Variants in KDM2B observed in about 807,000 individuals in gnomAD.
KDM2B encodes lysine-specific demethylase 2B.
In KDM2B, 26 loss-of-function variants were observed where a neutral mutation model predicts 150.0. That is an observed-to-expected ratio of 0.17 (90% CI 0.13 to 0.24). The LOEUF is 0.24. Among genes scored for constraint, KDM2B ranks in the 10% least tolerant of loss-of-function variants. The pLI, the probability that KDM2B is intolerant of heterozygous loss-of-function variation, is 1.00. For missense variants in KDM2B, 1,265 were observed against 1,816.9 expected (o/e 0.70, Z 5.52); for synonymous variants, 734 against 729.5 (o/e 1.01, Z -0.10).
intron 1 of KDM2B, chr12:121,579,769 C>T (rs1271398342): frequency 7.3e-7 from 1 of 1,377,254 alleles, no homozygotes; most frequent in Non-Finnish European, 9.8e-7. Context: ...CCGCTCAGCC[C>T]CCCTCCACGC....
chr12:121,440,304 C>G, intron 21 of KDM2B: 1 of 563,046 alleles, frequency 1.8e-6, no homozygotes, highest in Non-Finnish European at 3.2e-6. Flanking sequence ...AAACACTATG[C>G]CCACATTCCA....
At chr12:121,484,569 G>C (rs12814684) in intron 12 of KDM2B, among the ~76,000 whole-genome samples, 2,158 of 152,258 alleles carry the variant, frequency 0.014, 25 homozygotes, top group Middle Eastern at 0.027. Context: ...TGTAGTCCTA[G>C]CACTTTGGGA....
rs370449936 is a variant in KDM2B, at chr12:121,528,281, G to A, written c.931+4525C>T. 5.9e-5 allele frequency among the ~76,000 whole-genome samples: 9 copies of A among 152,282 alleles called. No homozygotes were observed. The East Asian group carries it at 7.7e-4, about 13-fold the overall frequency. On this transcript the variant is annotated intron_variant, in intron 8 of 22. Coordinates refer to ENST00000377071, the MANE Select transcript of KDM2B (RefSeq NM_032590.5). ...CCATTTAAAATCTTCCTTGGCAGCC[G>A]GGCGCTATGGCTTATGCCTGTAATC...
intron 21 of KDM2B, 83 bp from the exon 22 acceptor site, chr12:121,440,158 A>T: frequency 1.1e-6 from 1 of 942,566 alleles, no homozygotes; most frequent in East Asian, 2.6e-5. Flanking sequence ...TAAAAGGCCC[A>T]CCAGCCAGAC....
chr12:121,457,043 G>C (rs1555292931), intron 12 of KDM2B, among the ~76,000 whole-genome samples: 1 of 152,148 alleles, frequency 6.6e-6, no homozygotes, highest in African/African-American at 2.4e-5. Flanking sequence ...AGGTAAGACA[G>C]ACCTCGGAGG....
chr12:121,579,943 C>CAAAA (rs61355823), intron 1 of KDM2B: 55 of 1,107,520 alleles, frequency 5.0e-5, no homozygotes, highest in Middle Eastern at 2.9e-4. Context: ...GAGAAACAAC[C>CAAAA]AAAAAAAAAA....
chr12:121,431,135 T>G (rs576146953), intron 22 of KDM2B, among the ~76,000 whole-genome samples: 2 of 129,248 alleles, frequency 1.5e-5, no homozygotes, highest in East Asian at 4.9e-4. Context: ...ACACCCTTTG[T>G]GCTTTTTTTT....
At chr12:121,578,694 T>C (rs1594171646) in intron 2 of KDM2B, 108 bp downstream of exon 2, 4 of 333,516 alleles carry the variant, frequency 1.2e-5, no homozygotes, top group South Asian at 1.9e-4. Flanking sequence ...CCGGATCCCC[T>C]GGAATGGGGG....
chr12:121,466,849 G>A (rs1555294902), intron 12 of KDM2B, among the ~76,000 whole-genome samples: 1 of 145,772 alleles, frequency 6.9e-6, no homozygotes, highest in Non-Finnish European at 1.5e-5. Context: ...AACTTGCCCC[G>A]GGCCGTGGCC....
In KDM2B at chr12:121,429,738, T is replaced by C. The variant is rs1555284936; in HGVS notation, c.*550A>G. The C allele has an allele frequency of 4.4e-6, 2 of 455,862 alleles. No individual in the cohort carries two copies. Among genetic ancestry groups the C allele is most frequent in the Non-Finnish European group, 7.7e-6 (2 of 259,338 alleles). The allele number at this position is 455,862 out of a possible 1,614,324, so 28.2% of individuals were successfully genotyped here. A position where few individuals can be genotyped will look rare whatever the true frequency, so the allele number is the denominator to read the frequency against. ...CCTACCTTAAGGAAATCAGGAAAAT[T>C]GGCAATCTCAAAACAATAAAAACAC... On this transcript the variant is annotated 3_prime_UTR_variant, in exon 23 of 23. Coordinates refer to ENST00000377071, the MANE Select transcript of KDM2B (RefSeq NM_032590.5).
chr12:121,534,210 G>A (rs145953723), intron 7 of KDM2B, among the ~76,000 whole-genome samples: 2,136 of 152,114 alleles, frequency 0.014, 40 homozygotes, highest in African/African-American at 0.048. Context: ...TTAGCAGGGC[G>A]TGGTAGCAGG....
chr12:121,556,181 T>A (rs1268431319), intron 4 of KDM2B, among the ~76,000 whole-genome samples: 2 of 152,100 alleles, frequency 1.3e-5, no homozygotes, highest in Non-Finnish European at 2.9e-5. Flanking sequence ...CTCCTCAGCC[T>A]CCCAAAATGC....
At chr12:121,506,188 G>T (rs1555302917) in intron 11 of KDM2B, among the ~76,000 whole-genome samples, 8 of 151,926 alleles carry the variant, frequency 5.3e-5, no homozygotes, top group Non-Finnish European at 1.2e-4. Context: ...TTTTGTTTTT[G>T]TACAGATAGG....
Position 121,467,535 on chromosome 12 carries a change from G to T in KDM2B, c.1735-14191C>A. 5.8e-6 allele frequency: 1 copy of T among 173,004 alleles called. No homozygotes were observed. Among genetic ancestry groups the T allele is most frequent in the Non-Finnish European group, 1.1e-5 (1 of 89,738 alleles). The allele number at this position is 173,004 out of a possible 1,614,324, so 10.7% of individuals were successfully genotyped here. The stretch of plus-strand genomic sequence containing the variant: ...GGGAGCCCGGCCTGCGGTGACACGG[G>T]GGCGGGCCGCCGAGGGCGGTCCCTC... On this transcript the variant is annotated intron_variant, in intron 12 of 22. Coordinates refer to ENST00000377071, the MANE Select transcript of KDM2B (RefSeq NM_032590.5). The surrounding 1 kb of genome is among the most constrained non-coding windows in gnomAD (Gnocchi z 5.1).
intron 4 of KDM2B, among the ~76,000 whole-genome samples, chr12:121,564,003 T>C (rs527553959): frequency 4.6e-5 from 7 of 152,236 alleles, no homozygotes; most frequent in Admixed American, 2.6e-4. Flanking sequence ...TAGTCCCAGC[T>C]ACTTGGGAGG....
chr12:121,455,339 G>C (rs1239437420), intron 12 of KDM2B, among the ~76,000 whole-genome samples: 1 of 152,216 alleles, frequency 6.6e-6, no homozygotes, highest in Non-Finnish European at 1.5e-5. Context: ...CTTGTCACAG[G>C]GAGGGCAAGC....
chr12:121,562,494 T>G (rs1457312053), intron 4 of KDM2B, among the ~76,000 whole-genome samples: 2 of 151,890 alleles, frequency 1.3e-5, no homozygotes, highest in Admixed American at 6.6e-5. Context: ...AAAAAAAAAG[T>G]CTGGGGACAA....
chr12:121,488,549 C>G (rs1331753620), intron 12 of KDM2B, among the ~76,000 whole-genome samples: 1 of 152,208 alleles, frequency 6.6e-6, no homozygotes, highest in Non-Finnish European at 1.5e-5. Flanking sequence ...ACAGGTGCAT[C>G]TGACCCCAAA....
chr12:121,557,214 C>T (rs1889963782), intron 4 of KDM2B, among the ~76,000 whole-genome samples: 3 of 149,468 alleles, frequency 2.0e-5, no homozygotes, highest in Admixed American at 6.7e-5. Flanking sequence ...TTAGGGTAGG[C>T]CTAATAAGAC....
Sources: allele counts gnomAD v4.1 joint callset (sites outside exome capture counted in the v4.1 genomes callset), GRCh38; gene constraint gnomAD v4.1.1; non-coding constraint Gnocchi (gnomAD v3.1); transcripts MANE v1.5; gene names NCBI Gene and HGNC (gene_info 2026-07-23, HGNC 2026-07-21).